Variants in CACNA1E observed in about 807,000 individuals in gnomAD.
The protein encoded by CACNA1E is calcium voltage-gated channel subunit alpha1 E.
Under a neutral mutation model 259.2 loss-of-function variants are expected in CACNA1E, and 40 were observed. The ratio of observed to expected loss-of-function variants is 0.15; its 90% CI spans 0.12 to 0.20. The LOEUF (loss-of-function observed/expected upper bound fraction) is 0.20, where lower values mean the gene tolerates loss of function less well. CACNA1E is among the 10% of genes least tolerant of loss of function. The probability of loss-of-function intolerance (pLI) is 1.00; values close to 1 mark genes in which losing one functional copy is unlikely to be tolerated. For synonymous variants in CACNA1E, 1,104 were observed against 1,138.5 expected, an observed-to-expected ratio of 0.97 and a Z score of 0.61; for missense variants, 1,874 against 3,040.1, an observed-to-expected ratio of 0.62 and a Z score of 9.02.
chr1:181,449,331 C>T (rs1344881231), intron 2 of CACNA1E, among the ~76,000 whole-genome samples: 2 of 152,180 alleles, frequency 1.3e-5, no homozygotes, highest in African/African-American at 4.8e-5. Context: ...ACTTCAGTCT[C>T]ATATACACAT....
Position 181,757,933 on chromosome 1 carries a change from T to A in CACNA1E, c.4330-14T>A, listed in dbSNP as rs1349280743. ...GGATTTGAATTTGTGCTAATAACCA[T>A]GACTTTCTTGCAGAGGGCGTGCATC... On this transcript the variant is annotated splice_polypyrimidine_tract_variant and intron_variant, in intron 30 of 47. Coordinates refer to ENST00000367573, the MANE Select transcript of CACNA1E (RefSeq NM_001205293.3). 4 of 1,613,308 alleles carry A rather than the reference T, an allele frequency of 2.5e-6. No homozygotes were observed. Among genetic ancestry groups the A allele is most frequent in the African/African-American group, 1.3e-5 (1 of 74,924 alleles).
intron 2 of CACNA1E, among the ~76,000 whole-genome samples, chr1:181,420,973 T>C (rs965157817): frequency 6.6e-6 from 1 of 152,174 alleles, no homozygotes; most frequent in Non-Finnish European, 1.5e-5. Context: ...GGGCACATAA[T>C]AGGCACTCAG....
intron 2 of CACNA1E, among the ~76,000 whole-genome samples, chr1:181,465,113 A>G (rs992290381): frequency 1.3e-5 from 2 of 151,936 alleles, no homozygotes; most frequent in Admixed American, 6.6e-5. Flanking sequence ...CTTTATTTCG[A>G]GTCATAATTT....
intron 6 of CACNA1E, among the ~76,000 whole-genome samples, chr1:181,628,297 A>G (rs377747337): frequency 2.6e-5 from 4 of 152,230 alleles, no homozygotes; most frequent in Admixed American, 2.0e-4. Flanking sequence ...TCCAGGGTTT[A>G]CAGAGTGGAT....
At chr1:181,407,348 C>G (rs16857231) in intron 1 of CACNA1E, among the ~76,000 whole-genome samples, 2,042 of 152,266 alleles carry the variant, frequency 0.013, 48 homozygotes, top group African/African-American at 0.045. Flanking sequence ...GAGAAGGACA[C>G]TGTTCTAGTG....
chr1:181,497,463 C>T (rs1397242141), intron 1 of CACNA1E, among the ~76,000 whole-genome samples: 1 of 152,190 alleles, frequency 6.6e-6, no homozygotes, highest in Non-Finnish European at 1.5e-5. Context: ...GACCTCCCTC[C>T]AGGCCTGGAG....
exon 2 of CACNA1E, chr1:181,413,509 G>A: frequency 6.6e-6 from 1 of 152,618 alleles, no homozygotes; most frequent in Non-Finnish European, 1.5e-5. Flanking sequence ...TCATCGAGCA[G>A]CGCGACATCA....
intron 2 of CACNA1E, among the ~76,000 whole-genome samples, chr1:181,477,576 T>C (rs897976089): frequency 4.6e-5 from 7 of 152,222 alleles, no homozygotes; most frequent in African/African-American, 1.7e-4. Flanking sequence ...CACTGGTCTC[T>C]ACTATTTTTT....
At chr1:181,375,582 G>C (rs555331824) in intron 1 of CACNA1E, among the ~76,000 whole-genome samples, 100 of 152,314 alleles carry the variant, frequency 6.6e-4, no homozygotes, top group Admixed American at 2.2e-3. Flanking sequence ...GAATGTGTTG[G>C]TTAGCTTATT....
intron 7 of CACNA1E, among the ~76,000 whole-genome samples, chr1:181,679,990 A>G (rs1649774201): frequency 6.6e-6 from 1 of 151,524 alleles, no homozygotes; most frequent in Non-Finnish European, 1.5e-5. Flanking sequence ...GTGTGTACCT[A>G]TAGTCCTAGC....
At position 181,579,060 on chromosome 1, in the gene CACNA1E, C is replaced by T; in HGVS notation, c.617-12C>T. ...GACAGCTGCATTGGTCATTCTCTGT[C>T]CTTCCTTCTAGGCCTGCAGATTGTG... On this transcript the variant is annotated splice_polypyrimidine_tract_variant and intron_variant, in intron 4 of 47. Transcript: ENST00000367573. The T allele has an allele frequency of 6.3e-7, 1 of 1,595,528 alleles. No individual in the cohort carries two copies. Among genetic ancestry groups the T allele is most frequent in the South Asian group, 1.1e-5 (1 of 87,190 alleles).
chr1:181,603,969 G>A (rs1225243669), intron 6 of CACNA1E, among the ~76,000 whole-genome samples: 11 of 152,168 alleles, frequency 7.2e-5, no homozygotes, highest in Admixed American at 7.2e-4. Flanking sequence ...GAGGCTTGGC[G>A]ACTGCCCTGT....
chr1:181,715,488 G>T, intron 9 of CACNA1E, 97 bp downstream of exon 9: 1 of 707,614 alleles, frequency 1.4e-6, no homozygotes, highest in Admixed American at 2.3e-5. Context: ...AATGAAAGAT[G>T]GTGTTCTGGG....
intron 3 of CACNA1E, among the ~76,000 whole-genome samples, chr1:181,563,434 G>A (rs938551409): frequency 8.5e-5 from 13 of 152,074 alleles, no homozygotes; most frequent in African/African-American, 3.1e-4. Context: ...GCCCAAAAAA[G>A]GGCCCCTGTC....
At chr1:181,762,748 C>A in intron 33 of CACNA1E, 91 bp downstream of exon 33, 1 of 765,344 alleles carries the variant, frequency 1.3e-6, no homozygotes. Flanking sequence ...TTTTAACCCA[C>A]CAAAGCAAAT....
chr1:181,504,188 G>A (rs913838943), intron 1 of CACNA1E, among the ~76,000 whole-genome samples: 1 of 152,174 alleles, frequency 6.6e-6, no homozygotes, highest in African/African-American at 2.4e-5. Context: ...GAGAAAAGGA[G>A]ACAGGTCTTC....
At position 181,798,717 on chromosome 1, in the gene CACNA1E, C is replaced by T; in HGVS notation, c.6825C>T (p.Ser2275=). ...TIGSAPPLRH[S]WQMPNGHYRR... Reference sequence around the variant, plus strand: ...GCTCAGCCCCACCCCTGCGGCATAGCTGGCAGATGCCCAACGGGCACTATC... The same window carrying T: ...GCTCAGCCCCACCCCTGCGGCATAGTTGGCAGATGCCCAACGGGCACTATC... The change falls in exon 48 of 48, where the codon AGC becomes AGT. Residue 2275 remains serine, a synonymous_variant. Transcript: ENST00000367573. The surrounding 1 kb of genome is among the most constrained non-coding windows in gnomAD (Gnocchi z 4.2). 4 of 1,608,750 alleles carry T rather than the reference C, an allele frequency of 2.5e-6. No individual in the cohort carries two copies. Among genetic ancestry groups the T allele is most frequent in the Non-Finnish European group, 3.4e-6 (4 of 1,176,722 alleles).
At chr1:181,681,249 C>T (rs1649941651) in intron 7 of CACNA1E, among the ~76,000 whole-genome samples, 1 of 152,184 alleles carries the variant, frequency 6.6e-6, no homozygotes, top group Non-Finnish European at 1.5e-5. Flanking sequence ...TCCATGTCCC[C>T]AACTTCTGCC....
At chr1:181,717,343 C>A in intron 11 of CACNA1E, 41 bp downstream of exon 11, 3 of 1,527,512 alleles carry the variant, frequency 2.0e-6, no homozygotes, top group South Asian at 1.1e-5. Context: ...TGCTGGTCCC[C>A]ATGTGGGGCA....
Sources: gnomAD v4.1 joint callset for allele counts (sites outside exome capture counted in the v4.1 genomes callset) on GRCh38, gnomAD v4.1.1 for gene constraint, Gnocchi (gnomAD v3.1) non-coding constraint, MANE v1.5 for transcripts, NCBI Gene and HGNC (gene_info 2026-07-23, HGNC 2026-07-21) for gene names.